The following ZFHX3 variants were observed in gnomAD, a reference collection of about 807,000 sequenced individuals.
ZFHX3 encodes the protein zinc finger homeobox protein 3.
Under a neutral mutation model 279.1 loss-of-function variants are expected in ZFHX3, and 42 were observed. That is an observed-to-expected ratio of 0.15 (90% confidence interval 0.12 to 0.19). The LOEUF is 0.19. Among genes scored for constraint, ZFHX3 ranks in the 10% least tolerant of loss-of-function variants. The pLI is 1.00. For missense variants in ZFHX3, 4,981 were observed against 4,754.0 expected (o/e 1.05, Z -1.40); for synonymous variants, 2,293 against 1,957.8 (o/e 1.17, Z -4.52).
chr16:73,350,076 G>A (rs2016210242), intron 3 of ZFHX3, among the ~76,000 whole-genome samples: 1 of 150,030 alleles, frequency 6.7e-6, no homozygotes, highest in Admixed American at 6.6e-5. Context: ...TCTCCACACA[G>A]AGAAATCTGC....
At chr16:73,080,048 A>G (rs962417883) in intron 8 of ZFHX3, among the ~76,000 whole-genome samples, 1 of 152,010 alleles carries the variant, frequency 6.6e-6, no homozygotes, top group African/African-American at 2.4e-5. Context: ...ACTCTTTTTC[A>G]CAGGCTCTGC....
chr16:72,816,523 A>G (rs1046497648), intron 5 of ZFHX3, among the ~76,000 whole-genome samples: 1 of 152,244 alleles, frequency 6.6e-6, no homozygotes, highest in Admixed American at 6.5e-5. Flanking sequence ...TCCATGCCAC[A>G]CAGACTTTCC....
At chr16:73,286,747 GTGTGTGGC>G (rs2014612451) in intron 4 of ZFHX3, among the ~76,000 whole-genome samples, 1 of 150,012 alleles carries the variant, frequency 6.7e-6, no homozygotes, top group African/African-American at 2.5e-5. Context: ...GTGTGGGTTG[GTGTGTGGC>G]TAAGTGGGTT....
intron 5 of ZFHX3, among the ~76,000 whole-genome samples, chr16:73,236,982 C>G (rs896228173): frequency 2.0e-5 from 3 of 152,164 alleles, no homozygotes; most frequent in Admixed American, 6.5e-5. Context: ...CACAATCGTG[C>G]AGGGCTTTCC....
intron 4 of ZFHX3, among the ~76,000 whole-genome samples, chr16:72,877,685 C>G (rs1442732617): frequency 6.6e-6 from 1 of 152,158 alleles, no homozygotes; most frequent in African/African-American, 2.4e-5. Context: ...AGAAAAAAAA[C>G]TTCTGATCCC....
At chr16:73,240,429 G>A (rs1445296138) in intron 5 of ZFHX3, among the ~76,000 whole-genome samples, 1 of 152,126 alleles carries the variant, frequency 6.6e-6, no homozygotes, top group Non-Finnish European at 1.5e-5. Flanking sequence ...ATGTTCGCCA[G>A]TCTGATCTCG....
chr16:73,363,646 T>C (rs1392498820), intron 3 of ZFHX3, among the ~76,000 whole-genome samples: 2 of 152,210 alleles, frequency 1.3e-5, no homozygotes, highest in African/African-American at 4.8e-5. Flanking sequence ...GTCTTAATTA[T>C]GCAATATTCT....
At chr16:73,464,337 C>T (rs981597779) in intron 2 of ZFHX3, among the ~76,000 whole-genome samples, 2 of 151,896 alleles carry the variant, frequency 1.3e-5, no homozygotes, top group African/African-American at 4.8e-5. Context: ...AATTACAGTC[C>T]GGCTCTTCTG....
intron 2 of ZFHX3, 66 bp downstream of exon 2, chr16:72,957,361 C>A: frequency 6.6e-7 from 1 of 1,521,780 alleles, no homozygotes; most frequent in South Asian, 1.3e-5. Flanking sequence ...ACTATCTCAC[C>A]CTATTCACCA....
chr16:72,839,776 G>T (rs779549241), intron 4 of ZFHX3, among the ~76,000 whole-genome samples: 4 of 152,034 alleles, frequency 2.6e-5, no homozygotes, highest in Non-Finnish European at 5.9e-5. Flanking sequence ...ATGACAATGT[G>T]GGGGGGATGA....
chr16:73,064,113 T>G (rs548440976), upstream of ZFHX3, among the ~76,000 whole-genome samples: 43 of 150,660 alleles, frequency 2.9e-4, no homozygotes, highest in South Asian at 4.4e-3. Flanking sequence ...GAAAAAGGAG[T>G]TTTTTGGTGG....
intron 2 of ZFHX3, among the ~76,000 whole-genome samples, chr16:73,673,290 G>A (rs1004380676): frequency 3.3e-5 from 5 of 152,096 alleles, no homozygotes; most frequent in South Asian, 2.1e-4. Context: ...AAGCTGGGTC[G>A]TAAGTTATGG....
At chr16:73,129,528 C>A (rs1966636116) in intron 7 of ZFHX3, among the ~76,000 whole-genome samples, 1 of 151,712 alleles carries the variant, frequency 6.6e-6, no homozygotes, top group Non-Finnish European at 1.5e-5. Flanking sequence ...TCGTCTTTGC[C>A]CTCTGCTTGT....
intron 1 of ZFHX3, chr16:72,973,556 C>T (rs1319858528): frequency 1.3e-5 from 2 of 152,240 alleles, no homozygotes; most frequent in Non-Finnish European, 2.9e-5. Context: ...TAAAGAAGCA[C>T]AAGCTCAAGT....
intron 7 of ZFHX3, chr16:72,808,041 A>G (rs182410717): frequency 2.3e-4 from 35 of 152,338 alleles, no homozygotes; most frequent in African/African-American, 7.2e-4. Context: ...CTAGTTGGCC[A>G]TGAACAAACA....
At chr16:73,107,150 A>G (rs907353345) in intron 7 of ZFHX3, among the ~76,000 whole-genome samples, 6 of 152,092 alleles carry the variant, frequency 3.9e-5, no homozygotes, top group African/African-American at 1.4e-4. Context: ...TCTACTAAAA[A>G]TACAAAAACA....
chr16:73,084,873 A>G (rs1463585692), intron 8 of ZFHX3, among the ~76,000 whole-genome samples: 1 of 152,224 alleles, frequency 6.6e-6, no homozygotes, highest in East Asian at 1.9e-4. Flanking sequence ...AAGGAATACT[A>G]TAAAGCACTG....
At chr16:73,632,947 C>T (rs568026784) in intron 2 of ZFHX3, among the ~76,000 whole-genome samples, 13 of 152,000 alleles carry the variant, frequency 8.6e-5, no homozygotes, top group African/African-American at 2.7e-4. Context: ...GGTGTGGTGG[C>T]GGGAGCCTGT....
chr16:73,171,872 A>G (rs1223668508), intron 5 of ZFHX3, among the ~76,000 whole-genome samples: 1 of 152,226 alleles, frequency 6.6e-6, no homozygotes, highest in Non-Finnish European at 1.5e-5. Context: ...ACACAAAGAA[A>G]TACTAAATGC....
Sources: allele counts gnomAD v4.1 joint callset (sites outside exome capture counted in the v4.1 genomes callset), GRCh38; gene constraint gnomAD v4.1.1; transcripts MANE v1.5; gene names NCBI Gene and HGNC (gene_info 2026-07-23, HGNC 2026-07-21).